Variants in PCNX2 observed in about 807,000 individuals in gnomAD.
PCNX2 encodes pecanex-like protein 2.
PCNX2 carries 168 observed loss-of-function variants against 223.8 expected under a neutral mutation model. That is an observed-to-expected ratio of 0.75 (90% CI 0.66 to 0.85). PCNX2 has a LOEUF of 0.85. PCNX2 is among the 40% of genes least tolerant of loss of function. The pLI, the probability that PCNX2 is intolerant of heterozygous loss-of-function variation, is 0.00. For synonymous variants in PCNX2, 1,006 were observed against 1,052.6 expected (o/e 0.96, Z 0.86); for missense variants, 2,507 against 2,675.5 (o/e 0.94, Z 1.39).
chr1:233,265,419 T>C (rs1660277475), intron 1 of PCNX2, among the ~76,000 whole-genome samples: 1 of 152,198 alleles, frequency 6.6e-6, no homozygotes. Context: ...ATGACTACTT[T>C]TGCCCAATGG....
At chr1:233,177,981 A>G in intron 16 of PCNX2, 83 bp from the exon 17 acceptor site, 1 of 1,030,566 alleles carries the variant, frequency 9.7e-7, no homozygotes, top group Non-Finnish European at 1.5e-6. Flanking sequence ...TAGATCTCAC[A>G]CCCACACATG....
chr1:233,258,294 T>C lies in PCNX2; in HGVS notation c.1568A>G (p.His523Arg). 1.2e-6 allele frequency: 2 copies of C among 1,614,036 alleles called. No homozygotes were observed. The highest frequency in any genetic ancestry group is 1.7e-6 in the Non-Finnish European group (2 of 1,179,886). Residue 523 changes from histidine (H) to arginine (R), a missense_variant, in exon 5 of 34, where the codon CAT (histidine) becomes CGT (arginine). Transcript: ENST00000258229. ...GAGCACCCGGGCATGCCTCTTTTCA[T>C]GGCTGGACTTACAAGACGATGGGTC... ...NLDPSSCKSS[H>R]EKRHARVLSV...
intron 12 of PCNX2, among the ~76,000 whole-genome samples, chr1:233,211,097 A>C (rs1681787773): frequency 6.6e-6 from 1 of 152,126 alleles, no homozygotes; most frequent in Non-Finnish European, 1.5e-5. Flanking sequence ...GTTGTTGTGA[A>C]GTGGGGAGAA....
Position 233,090,055 on chromosome 1 carries a change from T to A in PCNX2, c.4076+6A>T, listed in dbSNP as rs368161022. On this transcript the variant is annotated splice_donor_region_variant and intron_variant, in intron 23 of 33. Coordinates refer to ENST00000258229, the MANE Select transcript of PCNX2 (RefSeq NM_014801.4). ...AAGCAATTGAGCACTGATTTTAGGA[T>A]CTTACTTGTAGTTTTTCTCCCAGAA... The A allele has an allele frequency of 9.7e-5, 156 of 1,613,542 alleles. No individual in the cohort carries two copies. The highest frequency in any genetic ancestry group is 1.3e-4 in the Non-Finnish European group (150 of 1,179,816).
chr1:233,134,101 AATT>A (rs770048966), intron 21 of PCNX2, among the ~76,000 whole-genome samples: 2 of 152,360 alleles, frequency 1.3e-5, no homozygotes, highest in South Asian at 4.1e-4. Flanking sequence ...CAATTAAAAA[AATT>A]ATTAACTAAA....
At chr1:233,237,364 C>T (rs1658486543) in intron 8 of PCNX2, among the ~76,000 whole-genome samples, 1 of 152,114 alleles carries the variant, frequency 6.6e-6, no homozygotes, top group Non-Finnish European at 1.5e-5. Context: ...CAGACACCAA[C>T]CAGGAAGAAA....
intron 12 of PCNX2, among the ~76,000 whole-genome samples, chr1:233,214,369 T>A (rs916260484): frequency 1.3e-5 from 2 of 152,214 alleles, no homozygotes; most frequent in Non-Finnish European, 2.9e-5. Flanking sequence ...TTACACATGG[T>A]AAGGCTGCAT....
chr1:233,273,549 G>A (rs904356917), intron 1 of PCNX2, among the ~76,000 whole-genome samples: 1 of 152,046 alleles, frequency 6.6e-6, no homozygotes, highest in Admixed American at 6.6e-5. Flanking sequence ...TCTTGCAAAG[G>A]CCATAACTAC....
intron 23 of PCNX2, among the ~76,000 whole-genome samples, chr1:233,074,370 A>G (rs1035262425): frequency 1.3e-5 from 2 of 152,072 alleles, no homozygotes; most frequent in African/African-American, 2.4e-5. Context: ...CGAGGCGGGC[A>G]GATCACGAGG....
chr1:233,002,739 A>G (rs900873728), intron 28 of PCNX2, among the ~76,000 whole-genome samples: 12 of 152,334 alleles, frequency 7.9e-5, no homozygotes, highest in African/African-American at 2.9e-4. Context: ...GCATCACGCT[A>G]CCTGACTTCA....
chr1:233,232,335 C>T (rs975379393), intron 9 of PCNX2, among the ~76,000 whole-genome samples: 1 of 152,070 alleles, frequency 6.6e-6, no homozygotes, highest in Non-Finnish European at 1.5e-5. Context: ...ATGATTTTGC[C>T]CAGCTGTTGG....
intron 10 of PCNX2, 65 bp from the exon 11 acceptor site, chr1:233,218,249 T>A: frequency 3.3e-6 from 3 of 909,200 alleles, no homozygotes; most frequent in Non-Finnish European, 4.3e-6. Flanking sequence ...GTTTTGCCTT[T>A]TTTTTTTTTT....
intron 10 of PCNX2, among the ~76,000 whole-genome samples, chr1:233,226,906 C>A (rs943164362): frequency 6.6e-6 from 1 of 152,160 alleles, no homozygotes; most frequent in African/African-American, 2.4e-5. Context: ...CCAAAGCATG[C>A]TACTGTGCCC....
the PCNX2 span, among the ~76,000 whole-genome samples, chr1:233,325,612 C>T: frequency 6.6e-6 from 1 of 151,874 alleles, no homozygotes; most frequent in African/African-American, 2.4e-5. Flanking sequence ...GGAGGCGGAG[C>T]TTGCATGAGC....
chr1:233,172,321 T>C, intron 17 of PCNX2: 1 of 978,900 alleles, frequency 1.0e-6, no homozygotes, highest in Non-Finnish European at 1.2e-6. Flanking sequence ...TTTATGTTTG[T>C]TTCTGCCATG....
chr1:233,087,078 G>A lies in PCNX2; in HGVS notation c.4076+2983C>T, dbSNP rs1017763466. On this transcript the variant is annotated intron_variant, in intron 23 of 33. Coordinates refer to ENST00000258229, the MANE Select transcript of PCNX2 (RefSeq NM_014801.4). The stretch of plus-strand genomic sequence containing the variant: ...CAGGAGGTCTGCAGGTTTCAGGACC[G>A]GCCAGTTCAGGGAGAAAAGGGACTA... 9 of 985,270 alleles carry A rather than the reference G, an allele frequency of 9.1e-6. No homozygotes were observed. In the African/African-American group the frequency reaches 1.2e-4, roughly 13 times the overall value. The allele number at this position is 985,270 out of a possible 1,614,324, so 61.0% of individuals were successfully genotyped here. A position where few individuals can be genotyped will look rare whatever the true frequency, so the allele number is the denominator to read the frequency against.
chr1:233,002,069 C>T (rs538516546), intron 28 of PCNX2, among the ~76,000 whole-genome samples: 25 of 152,258 alleles, frequency 1.6e-4, no homozygotes, highest in Non-Finnish European at 2.9e-4. Context: ...TGATGCTAAC[C>T]GTGGAGTAAT....
Position 233,199,011 on chromosome 1 carries a change from C to T in PCNX2, c.2994G>A (p.Ser998=), listed in dbSNP as rs771807234. ...CGCTCCGGGCCACACTGTAAACAGC[C>T]GAGGTTATCCCAGACACAGCTGGAA... The part of the protein sequence containing the change: ...FGGSAVSGIT[S]AVYSVARSVL... The change falls in exon 15 of 34, where the codon TCG becomes TCA. Residue 998 remains serine (S), a synonymous_variant. Transcript: ENST00000258229. The T allele has an allele frequency of 1.4e-5, 22 of 1,598,118 alleles. No individual in the cohort carries two copies. The highest frequency in any genetic ancestry group is 2.3e-5 in the East Asian group (1 of 44,126).
In PCNX2 at chr1:233,258,669, A is replaced by G. The variant is rs1406691588; in HGVS notation, c.1193T>C (p.Val398Ala). Residue 398 changes from valine to alanine, a missense_variant, in exon 5 of 34, where the codon GTG (valine) becomes GCG (alanine). Val to Ala is a moderately conservative substitution (Grantham distance 64). Coordinates refer to ENST00000258229, the MANE Select transcript of PCNX2 (RefSeq NM_014801.4). ...TDLESSLHLR[V>A]VGTEKTSVKS... ...TACACTGGTCTTCTCTGTGCCAACCACCCTCAGGTGGAGGGAGCTTTCCAA... is the reference window on the plus strand; with the variant it reads ...TACACTGGTCTTCTCTGTGCCAACCGCCCTCAGGTGGAGGGAGCTTTCCAA... 6.2e-7 allele frequency: 1 copy of G among 1,613,868 alleles called. No individual in the cohort carries two copies.
Sources: gnomAD v4.1 joint callset for allele counts (sites outside exome capture counted in the v4.1 genomes callset) on GRCh38, gnomAD v4.1.1 for gene constraint, MANE v1.5 for transcripts, NCBI Gene and HGNC (gene_info 2026-07-23, HGNC 2026-07-21) for gene names.